CARNS1: variants seen among roughly 807,000 people sequenced by gnomAD.
The protein encoded by CARNS1 is carnosine synthase 1.
Under a neutral mutation model 74.0 loss-of-function variants are expected in CARNS1, and 61 were observed. That is an observed-to-expected ratio of 0.82 (90% CI 0.67 to 1.02). CARNS1 has a LOEUF of 1.02. CARNS1 is among the 50% of genes least tolerant of loss of function. The probability of loss-of-function intolerance (pLI) is 0.00; values close to 1 mark genes in which losing one functional copy is unlikely to be tolerated. For synonymous variants in CARNS1, 568 were observed against 605.5 expected, an observed-to-expected ratio of 0.94 and a Z score of 0.91; for missense variants, 1,278 against 1,308.4, an observed-to-expected ratio of 0.98 and a Z score of 0.36.
At position 67,416,399 on chromosome 11, in the gene CARNS1, C is replaced by T. The variant is rs1479888852; in HGVS notation, c.3+197C>T. The stretch of plus-strand genomic sequence containing the variant: ...GGCACTCTTAGTGCCCTGTGACATT[C>T]ATTCATTCCATGGCCCCTCAGGGAG... On this transcript the variant is annotated intron_variant, in intron 2 of 9. Coordinates refer to ENST00000687366, the MANE Select transcript of CARNS1 (RefSeq NM_001166222.2). 5 of 1,415,578 alleles carry T rather than the reference C, an allele frequency of 3.5e-6. No individual in the cohort carries two copies. In the East Asian group the frequency reaches 1.1e-4, roughly 30 times the overall value. The allele number at this position is 1,415,578 out of a possible 1,614,324, so 87.7% of individuals were successfully genotyped here.
Position 67,420,712 on chromosome 11 carries a change from C to T in CARNS1, c.1217C>T (p.Ala406Val), listed in dbSNP as rs1863671984. ...GCCCAGTGCGGCCTGGGCGAGGAGGCGCAGGTGGCGGCTGTGCGGCAGCGC... is the reference window on the plus strand; with the variant it reads ...GCCCAGTGCGGCCTGGGCGAGGAGGTGCAGGTGGCGGCTGTGCGGCAGCGC... ...ALAQCGLGEEAQVAAVRQRVK... is the reference protein window; with the variant it reads ...ALAQCGLGEEVQVAAVRQRVK... Residue 406 changes from alanine to valine, a missense_variant, in exon 8 of 10, where the codon GCG becomes GTG. By Grantham distance (64) the Ala-to-Val change is moderately conservative (BLOSUM62 0). Around this residue, in one of 3 missense-constraint regions of CARNS1, gnomAD observed 1,164 missense variants for 1,156.5 expected, o/e 1.01. Coordinates refer to ENST00000687366, the MANE Select transcript of CARNS1 (RefSeq NM_001166222.2). 1.6e-6 allele frequency: 2 copies of T among 1,265,988 alleles called. No homozygotes were observed. Among genetic ancestry groups the T allele is most frequent in the South Asian group, 3.2e-5 (1 of 31,644 alleles). The allele number at this position is 1,265,988 out of a possible 1,614,324, so 78.4% of individuals were successfully genotyped here. A position where few individuals can be genotyped will look rare whatever the true frequency, so the allele number is the denominator to read the frequency against.
chr11:67,419,591 G>A lies in CARNS1; in HGVS notation c.957G>A (p.Leu319=). ...GAVVDTVLAL[L]EKLEEEESVL... The stretch of plus-strand genomic sequence containing the variant: ...TGGTGGACACAGTGCTGGCGCTGCT[G>A]GAGAAGCTGGAGGAGGAGGAGAGTG... The change falls in exon 6 of 10, where the codon CTG becomes CTA. Residue 319 remains leucine, a synonymous_variant. Coordinates refer to ENST00000687366, the MANE Select transcript of CARNS1 (RefSeq NM_001166222.2). The A allele has an allele frequency of 6.2e-7, 1 of 1,605,212 alleles. No individual in the cohort carries two copies. The highest frequency in any genetic ancestry group is 8.5e-7 in the Non-Finnish European group (1 of 1,177,534).
intron 4 of CARNS1, 23 bp downstream of exon 4, chr11:67,418,543 C>T (rs1863606155): frequency 6.6e-7 from 1 of 1,525,114 alleles, no homozygotes; most frequent in Non-Finnish European, 8.8e-7. Flanking sequence ...TCAAGTTTCC[C>T]CATCCCCTTC....
chr11:67,424,301 C>T lies in CARNS1; in HGVS notation c.2553C>T (p.Thr851=), dbSNP rs1863779588. The T allele has an allele frequency of 1.2e-6, 2 of 1,611,958 alleles. No homozygotes were observed. The highest frequency in any genetic ancestry group is 1.7e-5 in the Admixed American group (1 of 59,794). Residue 851 remains threonine (T), a synonymous_variant, in exon 10 of 10, where the codon ACC becomes ACT. Coordinates refer to ENST00000687366, the MANE Select transcript of CARNS1 (RefSeq NM_001166222.2). ...VACGLRPALP[T]RPRARGHLVG... is the part of the protein sequence containing the mutation. ...GTGGCTTGCGTCCTGCCCTGCCCAC[C>T]CGCCCACGTGCTCGTGGCCATCTGG...
At chr11:67,421,318 G>A in intron 9 of CARNS1, 99 bp downstream of exon 9, 1 of 1,259,398 alleles carries the variant, frequency 7.9e-7, no homozygotes. Context: ...CGTCCTTGGG[G>A]CGGGACCAGC....
chr11:67,423,532 C>T lies in CARNS1; in HGVS notation c.1784C>T (p.Ser595Phe). 6.2e-7 allele frequency: 1 copy of T among 1,613,390 alleles called. No homozygotes were observed. Among genetic ancestry groups the T allele is most frequent in the Non-Finnish European group, 8.5e-7 (1 of 1,179,618 alleles). ...ARGLKLDGCF[S>F]YWDDCLVLTA... ...GGCCTCAAGCTAGATGGCTGCTTCT[C>T]CTACTGGGATGACTGCCTGGTGCTC... Residue 595 changes from serine to phenylalanine, a missense_variant, in exon 10 of 10, where the codon TCC (serine) becomes TTC (phenylalanine). Ser to Phe is a radical substitution (Grantham distance 155). Around this residue, in one of 3 missense-constraint regions of CARNS1, gnomAD observed 1,164 missense variants for 1,156.5 expected, o/e 1.01. Coordinates refer to ENST00000687366, the MANE Select transcript of CARNS1 (RefSeq NM_001166222.2). The surrounding 1 kb of genome is among the most constrained non-coding windows in gnomAD (Gnocchi z 5.1).
chr11:67,422,302 G>A (rs1230305120), intron 9 of CARNS1, among the ~76,000 whole-genome samples: 1 of 147,028 alleles, frequency 6.8e-6, no homozygotes, highest in Non-Finnish European at 1.5e-5. Context: ...TCGTGCCTCA[G>A]CCTCCGGAGT....
At position 67,423,960 on chromosome 11, in the gene CARNS1, GTGT is replaced by G. The variant is rs1246938164; in HGVS notation, c.2217_2219del (p.Leu739del). 6.2e-7 allele frequency: 1 copy of G among 1,613,580 alleles called. No homozygotes were observed. Among genetic ancestry groups the G allele is most frequent in the African/African-American group, 1.3e-5 (1 of 75,070 alleles). On this transcript the variant is annotated inframe_deletion, in exon 10 of 10. Coordinates refer to ENST00000687366, the MANE Select transcript of CARNS1 (RefSeq NM_001166222.2). The surrounding 1 kb of genome is among the most constrained non-coding windows in gnomAD (Gnocchi z 5.1). ...GGGCACCGAGCACGACGTGGACCTGGTGTTGTTTGGTGGGCGGTTGCTGGCTGC... is the reference window on the plus strand; with the variant it reads ...GGGCACCGAGCACGACGTGGACCTGGTGTTTGGTGGGCGGTTGCTGGCTGC...
chr11:67,416,681 C>T, intron 2 of CARNS1: 1 of 989,558 alleles, frequency 1.0e-6, no homozygotes, highest in Non-Finnish European at 1.2e-6. Context: ...GCTGCCAGGC[C>T]TGTCCAGGCC....
At chr11:67,416,584 G>A (rs1863548880) in intron 2 of CARNS1, 1 of 1,063,202 alleles carries the variant, frequency 9.4e-7, no homozygotes, top group Non-Finnish European at 1.1e-6. Context: ...CAGGGGATGG[G>A]AGAGGGCAGG....
Position 67,419,613 on chromosome 11 carries a change from A to G in CARNS1, c.979A>G (p.Ser327Gly), listed in dbSNP as rs1192429904. 2 of 1,603,040 alleles carry G rather than the reference A, an allele frequency of 1.2e-6. No homozygotes were observed. The highest frequency in any genetic ancestry group is 4.5e-5 in the East Asian group (2 of 44,558). ...ALLEKLEEEESVLVEAVYPPA... is the reference protein window; with the variant it reads ...ALLEKLEEEEGVLVEAVYPPA... ...GCTGGAGAAGCTGGAGGAGGAGGAG[A>G]GTGTCCTGGTGGAGGCTGTGTACCC... Residue 327 changes from serine to glycine, a missense_variant, in exon 6 of 10, where the codon AGT becomes GGT. By Grantham distance (56) the Ser-to-Gly change is moderately conservative. Coordinates refer to ENST00000687366, the MANE Select transcript of CARNS1 (RefSeq NM_001166222.2).
chr11:67,422,941 C>T (rs1333528281), intron 9 of CARNS1, among the ~76,000 whole-genome samples: 4 of 152,244 alleles, frequency 2.6e-5, no homozygotes, highest in Non-Finnish European at 5.9e-5. Flanking sequence ...TTCCCAGTGT[C>T]AGAGCACATG....
rs906211485 is a variant in CARNS1 at position 67,417,113 on chromosome 11, A to C, written c.4-294A>C. On this transcript the variant is annotated intron_variant, in intron 2 of 9. Transcript: ENST00000687366. Reference sequence around the variant, plus strand: ...CAAGCAGAAAACTCTGCTGCTGTGAAGCAAGCTAAGGCGGAGCCCAGCATG... The same window carrying C: ...CAAGCAGAAAACTCTGCTGCTGTGACGCAAGCTAAGGCGGAGCCCAGCATG... 11 of 1,162,886 alleles carry C rather than the reference A, an allele frequency of 9.5e-6. No homozygotes were observed. The Admixed American group carries it at 5.1e-4, about 54-fold the overall frequency. The allele number at this position is 1,162,886 out of a possible 1,614,324, so 72.0% of individuals were successfully genotyped here. A position where few individuals can be genotyped will look rare whatever the true frequency, so the allele number is the denominator to read the frequency against.
In CARNS1 at chr11:67,419,609, GGAGA is replaced by G; in HGVS notation, c.977_980del (p.Glu326ValfsTer43). 6.2e-7 allele frequency: 1 copy of G among 1,604,024 alleles called. No homozygotes were observed. The highest frequency in any genetic ancestry group is 1.1e-5 in the South Asian group (1 of 89,496). On this transcript the variant is annotated frameshift_variant, in exon 6 of 10. Transcript: ENST00000687366. LOFTEE classifies it high-confidence loss of function. ...CGCTGCTGGAGAAGCTGGAGGAGGA[GGAGA>G]GTGTCCTGGTGGAGGCTGTGTACCC...
chr11:67,417,398 C>T lies in CARNS1; in HGVS notation c.4-9C>T, dbSNP rs1166150663. ...CCCTGCCCAAGACCTACCACTTCTG[C>T]CCTCTCAGCTCTCCCTGGATCCATC... is the stretch of plus-strand genomic sequence containing the variant. On this transcript the variant is annotated splice_polypyrimidine_tract_variant and intron_variant, in intron 2 of 9. Transcript: ENST00000687366. The T allele has an allele frequency of 1.5e-6, 2 of 1,337,124 alleles. No homozygotes were observed. The highest frequency in any genetic ancestry group is 3.7e-5 in the Admixed American group (1 of 26,672). The allele number at this position is 1,337,124 out of a possible 1,614,324, so 82.8% of individuals were successfully genotyped here. A position where few individuals can be genotyped will look rare whatever the true frequency, so the allele number is the denominator to read the frequency against.
chr11:67,420,324 G>T (rs1439749008), intron 7 of CARNS1, among the ~76,000 whole-genome samples: 1 of 151,958 alleles, frequency 6.6e-6, no homozygotes, highest in Non-Finnish European at 1.5e-5. Context: ...GGAGATGCTA[G>T]GGTGGGGCAC....
Position 67,419,640 on chromosome 11 carries a change from CCTGCCCAG to C in CARNS1, c.1013_1020del (p.Gln338LeufsTer25). The C allele has an allele frequency of 6.3e-7, 1 of 1,598,488 alleles. No homozygotes were observed. Among genetic ancestry groups the C allele is most frequent in the Non-Finnish European group, 8.5e-7 (1 of 1,173,634 alleles). ...TGTCCTGGTGGAGGCTGTGTACCCACCTGCCCAGCTGCCCTGCTCAGGTGAGAGCCACC... is the reference window on the plus strand; with the variant it reads ...TGTCCTGGTGGAGGCTGTGTACCCACCTGCCCTGCTCAGGTGAGAGCCACC... On this transcript the variant is annotated frameshift_variant, in exon 6 of 10. Transcript: ENST00000687366. LOFTEE classifies it high-confidence loss of function.
chr11:67,419,206 C>T lies in CARNS1; in HGVS notation c.815C>T (p.Ala272Val). 6.7e-7 allele frequency: 1 copy of T among 1,499,550 alleles called. No individual in the cohort carries two copies. Among genetic ancestry groups the T allele is most frequent in the Non-Finnish European group, 8.9e-7 (1 of 1,118,812 alleles). 92.9% of individuals were successfully genotyped at this position (1,499,550 alleles called of 1,614,324 possible). Residue 272 changes from alanine to valine, a missense_variant, in exon 5 of 10, where the codon GCT becomes GTT. By Grantham distance (64) the Ala-to-Val change is moderately conservative. Around this residue, in one of 3 missense-constraint regions of CARNS1, gnomAD observed 1,164 missense variants for 1,156.5 expected, o/e 1.01. Coordinates refer to ENST00000687366, the MANE Select transcript of CARNS1 (RefSeq NM_001166222.2). Reference protein sequence around the residue: ...QETLVKEEVEAFLRSEALGDI... With the variant: ...QETLVKEEVEVFLRSEALGDI... ...ACGCTGGTGAAAGAGGAAGTGGAGG[C>T]TTTTCTGCGCTCCGAGGCCCTGGGT...
chr11:67,417,496 C>G lies in CARNS1; in HGVS notation c.93C>G (p.Gly31=). The part of the protein sequence containing the change: ...EEEGPWGGGS[G]LPPTGCFPGS... The stretch of plus-strand genomic sequence containing the variant: ...AGGGCCCCTGGGGAGGGGGCTCTGG[C>G]CTGCCGCCCACAGGCTGCTTCCCTG... The change falls in exon 3 of 10, where the codon GGC becomes GGG. Residue 31 remains glycine, a synonymous_variant. Transcript: ENST00000687366. The G allele has an allele frequency of 6.9e-7, 1 of 1,445,060 alleles. No individual in the cohort carries two copies. The highest frequency in any genetic ancestry group is 9.1e-7 in the Non-Finnish European group (1 of 1,102,146). The allele number at this position is 1,445,060 out of a possible 1,614,324, so 89.5% of individuals were successfully genotyped here.
Sources: gnomAD v4.1 joint callset for allele counts (sites outside exome capture counted in the v4.1 genomes callset) on GRCh38, gnomAD v4.1.1 for gene constraint, gnomAD v4.1.1 regional missense constraint, Gnocchi (gnomAD v3.1) non-coding constraint, MANE v1.5 for transcripts, NCBI Gene and HGNC (gene_info 2026-07-23, HGNC 2026-07-21) for gene names.